Variants in PLXDC2 observed in about 807,000 individuals in gnomAD.
PLXDC2 encodes the protein plexin domain-containing protein 2.
In PLXDC2, 40 loss-of-function variants were observed where a neutral mutation model predicts 68.9. The ratio of observed to expected loss-of-function variants is 0.58; its 90% CI spans 0.45 to 0.76. The LOEUF (loss-of-function observed/expected upper bound fraction) is 0.76, where lower values mean the gene tolerates loss of function less well. Ranked by LOEUF, PLXDC2 falls within the 30% of genes least tolerant of loss-of-function variation. The pLI, the probability that PLXDC2 is intolerant of heterozygous loss-of-function variation, is 0.00. For synonymous variants in PLXDC2, 243 were observed against 234.2 expected (o/e 1.04, Z -0.34); for missense variants, 644 against 661.9 (o/e 0.97, Z 0.30).
intron 2 of PLXDC2, among the ~76,000 whole-genome samples, chr10:20,008,084 C>T (rs985094537): frequency 6.6e-5 from 10 of 152,216 alleles, no homozygotes; most frequent in Non-Finnish European, 1.3e-4. Flanking sequence ...CACACATACA[C>T]TGCCAGTTGT....
At chr10:20,049,111 T>C (rs1835849211) in intron 3 of PLXDC2, among the ~76,000 whole-genome samples, 1 of 152,068 alleles carries the variant, frequency 6.6e-6, no homozygotes, top group Non-Finnish European at 1.5e-5. Flanking sequence ...TTAACAAACA[T>C]TTCTTCAGAG....
chr10:19,945,423 T>A (rs73603678), intron 1 of PLXDC2, among the ~76,000 whole-genome samples: 12 of 152,182 alleles, frequency 7.9e-5, no homozygotes, highest in African/African-American at 2.7e-4. Context: ...CTTCCTGTCC[T>A]GCAAACCTTC....
chr10:20,068,395 TG>T (rs1207441507), intron 4 of PLXDC2, among the ~76,000 whole-genome samples, 156 bp downstream of exon 4: 3 of 152,074 alleles, frequency 2.0e-5, no homozygotes, highest in Non-Finnish European at 4.4e-5. Context: ...AGAAAGGGTA[TG>T]GTTATTGGAA....
At chr10:19,972,679 C>A (rs1015944864) in intron 1 of PLXDC2, among the ~76,000 whole-genome samples, 3 of 152,050 alleles carry the variant, frequency 2.0e-5, no homozygotes, top group Non-Finnish European at 2.9e-5. Context: ...CAATCATGAC[C>A]AAGGGAGACT....
intron 12 of PLXDC2, among the ~76,000 whole-genome samples, chr10:20,222,737 C>T (rs1455719545): frequency 1.3e-5 from 2 of 152,094 alleles, no homozygotes; most frequent in Non-Finnish European, 2.9e-5. Context: ...CCTGTAGTCC[C>T]AGCTACTCAG....
chr10:20,211,869 C>A, intron 10 of PLXDC2, 140 bp downstream of exon 10: 1 of 749,006 alleles, frequency 1.3e-6, no homozygotes, highest in Non-Finnish European at 2.1e-6. Context: ...CCAATGTCTG[C>A]AAATATTAGG....
chr10:20,262,156 A>G (rs1291356765), intron 13 of PLXDC2, among the ~76,000 whole-genome samples: 3 of 152,136 alleles, frequency 2.0e-5, no homozygotes, highest in Non-Finnish European at 2.9e-5. Context: ...ATCCTCCCCA[A>G]CCCAGGGAAA....
intron 1 of PLXDC2, among the ~76,000 whole-genome samples, chr10:19,878,489 T>C (rs1368545248): frequency 6.6e-6 from 1 of 152,246 alleles, no homozygotes; most frequent in Non-Finnish European, 1.5e-5. Flanking sequence ...ATCTTGAGTC[T>C]AGCTGAAGTA....
At chr10:20,087,462 C>T (rs1446970340) in intron 4 of PLXDC2, among the ~76,000 whole-genome samples, 1 of 152,186 alleles carries the variant, frequency 6.6e-6, no homozygotes, top group Non-Finnish European at 1.5e-5. Flanking sequence ...ATTCCATTTG[C>T]CTTCCACGGA....
At chr10:20,021,944 A>G (rs1157683994) in intron 2 of PLXDC2, among the ~76,000 whole-genome samples, 3 of 151,958 alleles carry the variant, frequency 2.0e-5, no homozygotes, top group Admixed American at 6.6e-5. Context: ...TGATCCGCCC[A>G]CCTTGGCCTC....
chr10:20,173,368 T>C lies in PLXDC2; in HGVS notation c.884-3631T>C, dbSNP rs1482820257. Among the ~76,000 whole-genome samples the C allele has an allele frequency of 2.0e-5, 3 of 152,166 alleles. No homozygotes were observed. The East Asian group carries it at 5.8e-4, about 29-fold the overall frequency. ...TAGGAGATTTCTCATATAGTCTCTG[T>C]GTGAATGTTATGCTTTCAAGACAGA... On this transcript the variant is annotated intron_variant, in intron 7 of 13. Transcript: ENST00000377252.
At chr10:19,955,594 A>G (rs1277138079) in intron 1 of PLXDC2, among the ~76,000 whole-genome samples, 1 of 152,106 alleles carries the variant, frequency 6.6e-6, no homozygotes, top group Non-Finnish European at 1.5e-5. Context: ...CTTTTAATAT[A>G]CAATGGTTTT....
At chr10:20,018,392 C>T (rs1411927346) in intron 2 of PLXDC2, among the ~76,000 whole-genome samples, 1 of 152,162 alleles carries the variant, frequency 6.6e-6, no homozygotes, top group Non-Finnish European at 1.5e-5. Context: ...TTTATTTAAG[C>T]ACTATCCAGA....
At chr10:19,913,219 G>A (rs1266153228) in intron 1 of PLXDC2, among the ~76,000 whole-genome samples, 1 of 152,062 alleles carries the variant, frequency 6.6e-6, no homozygotes. Context: ...TGGATCGTGG[G>A]GGTGGATTTC....
chr10:20,074,277 T>C (rs982947314), intron 4 of PLXDC2, among the ~76,000 whole-genome samples: 2 of 152,170 alleles, frequency 1.3e-5, no homozygotes, highest in African/African-American at 4.8e-5. Context: ...TTTTATTTCA[T>C]TTGCTACGTA....
chr10:20,186,539 T>A (rs1431880123), intron 9 of PLXDC2, among the ~76,000 whole-genome samples: 1 of 151,944 alleles, frequency 6.6e-6, no homozygotes, highest in East Asian at 1.9e-4. Context: ...AACCAATAGT[T>A]ACTTTTTCTG....
At chr10:19,865,358 T>A (rs1251027106) in intron 1 of PLXDC2, among the ~76,000 whole-genome samples, 2 of 152,184 alleles carry the variant, frequency 1.3e-5, no homozygotes, top group Non-Finnish European at 2.9e-5. Context: ...ACTTGGCTCT[T>A]TGTTATTTTT....
intron 4 of PLXDC2, among the ~76,000 whole-genome samples, chr10:20,130,023 A>AT (rs950152430): frequency 0.012 from 1,817 of 148,902 alleles, 34 homozygotes; most frequent in African/African-American, 0.038. Flanking sequence ...GAATTTCTTG[A>AT]TTTTTTTTTT....
chr10:20,081,126 AC>A lies in PLXDC2; in HGVS notation c.541+12889del, dbSNP rs569111237. Among the ~76,000 whole-genome samples the A allele has an allele frequency of 6.6e-4, 101 of 152,226 alleles. 1 individual carries two copies. The East Asian group carries it at 0.019, about 29-fold the overall frequency. On this transcript the variant is annotated intron_variant, in intron 4 of 13. Transcript: ENST00000377252. ...ACCTAGAGCCTTCTCCAGAACAAAG[AC>A]CTTCCTAGGACCTTATCCTAGCTGG...
Sources: allele counts gnomAD v4.1 joint callset (sites outside exome capture counted in the v4.1 genomes callset), GRCh38; gene constraint gnomAD v4.1.1; transcripts MANE v1.5; gene names NCBI Gene and HGNC (gene_info 2026-07-23, HGNC 2026-07-21).